Variants in ROBO1 observed in about 807,000 individuals in gnomAD.
ROBO1 encodes roundabout homolog 1.
ROBO1 carries 149 observed loss-of-function variants against 195.9 expected under a neutral mutation model. That is an observed-to-expected ratio of 0.76 (90% confidence interval 0.67 to 0.87). ROBO1 has a LOEUF of 0.87. ROBO1 is among the 40% of genes least tolerant of loss of function. ROBO1 has a pLI of 0.00. For synonymous variants in ROBO1, 816 were observed against 733.2 expected (o/e 1.11, Z -1.82); for missense variants, 1,933 against 2,068.3 (o/e 0.93, Z 1.27).
chr3:79,430,968 T>C (rs1436055856), intron 2 of ROBO1, among the ~76,000 whole-genome samples: 2 of 152,138 alleles, frequency 1.3e-5, no homozygotes, highest in African/African-American at 4.8e-5. Flanking sequence ...TGTAGTAGGA[T>C]GTAAATGGAT....
intron 1 of ROBO1, among the ~76,000 whole-genome samples, chr3:79,626,360 C>T (rs1267493123): frequency 1.3e-5 from 2 of 152,068 alleles, no homozygotes; most frequent in African/African-American, 4.8e-5. Context: ...TCACTTGAAC[C>T]CGGGAGGTGG....
At chr3:79,158,367 T>C (rs2080895197) in intron 2 of ROBO1, among the ~76,000 whole-genome samples, 1 of 151,440 alleles carries the variant, frequency 6.6e-6, no homozygotes, top group Admixed American at 6.6e-5. Flanking sequence ...ATATTTTCTG[T>C]AATGTATGTC....
chr3:79,615,010 C>T lies in ROBO1; in HGVS notation c.-50-25049G>A, dbSNP rs551340806. On this transcript the variant is annotated intron_variant, in intron 1 of 30. Coordinates refer to ENST00000464233, the MANE Select transcript of ROBO1 (RefSeq NM_002941.4). ...ACAGGGCAACCAACTGAATGGACCC[C>T]TCCTGTCTGTCAAGGGAATTCCAAA... is the stretch of plus-strand genomic sequence containing the variant. Among the ~76,000 whole-genome samples the T allele has an allele frequency of 1.6e-4, 25 of 152,210 alleles. No homozygotes were observed. The South Asian group carries it at 5.2e-3, about 32-fold the overall frequency.
intron 1 of ROBO1, among the ~76,000 whole-genome samples, chr3:79,686,947 ATG>A (rs1947134708): frequency 3.3e-5 from 5 of 152,202 alleles, no homozygotes; most frequent in Admixed American, 6.5e-5. Context: ...TGGAGGCATC[ATG>A]CAACCTGACT....
intron 3 of ROBO1, among the ~76,000 whole-genome samples, chr3:79,055,705 G>A (rs971776150): frequency 4.6e-5 from 7 of 152,110 alleles, no homozygotes; most frequent in Admixed American, 2.6e-4. Context: ...TCCTGGACTC[G>A]GTCTCGGTCC....
At chr3:79,176,362 G>A (rs1250870254) in intron 2 of ROBO1, among the ~76,000 whole-genome samples, 2 of 152,160 alleles carry the variant, frequency 1.3e-5, no homozygotes, top group Non-Finnish European at 2.9e-5. Context: ...GAAACAGCTA[G>A]TGTATCATAT....
intron 1 of ROBO1, among the ~76,000 whole-genome samples, chr3:79,766,877 G>C (rs1039133766): frequency 1.3e-5 from 2 of 152,116 alleles, no homozygotes; most frequent in Admixed American, 1.3e-4. Context: ...CCACCAACTG[G>C]AGCGCTTCCT....
chr3:79,718,559 G>A (rs927233533), intron 1 of ROBO1, among the ~76,000 whole-genome samples: 1 of 151,744 alleles, frequency 6.6e-6, no homozygotes, highest in African/African-American at 2.4e-5. Flanking sequence ...ATCATCTGTT[G>A]GCCAAAATGA....
rs1576905119 is a variant in ROBO1 at position 79,272,298 on chromosome 3, T to A, written c.89-146759A>T. 2.6e-5 allele frequency among the ~76,000 whole-genome samples: 4 copies of A among 151,966 alleles called. No individual in the cohort carries two copies. In the East Asian group the frequency reaches 7.7e-4, roughly 29 times the overall value. ...GTATAGTTCTATTATTACTTAAAGA[T>A]TAGGCATAATATGCATATACATATT... On this transcript the variant is annotated intron_variant, in intron 2 of 30. Transcript: ENST00000464233.
At chr3:78,951,515 T>G (rs2040787287) in intron 3 of ROBO1, among the ~76,000 whole-genome samples, 1 of 151,544 alleles carries the variant, frequency 6.6e-6, no homozygotes, top group South Asian at 2.1e-4. Context: ...AAGAGGGGGT[T>G]AAAAAAAACA....
chr3:79,044,051 T>C lies in ROBO1; in HGVS notation c.172+81405A>G, dbSNP rs559301488. ...GGGGCGTCCAATCTTTTGGCTTCCCTGGGCCACATTGGAAGAAGCAGAATT... is the reference window on the plus strand; with the variant it reads ...GGGGCGTCCAATCTTTTGGCTTCCCCGGGCCACATTGGAAGAAGCAGAATT... On this transcript the variant is annotated intron_variant, in intron 3 of 30. Coordinates refer to ENST00000464233, the MANE Select transcript of ROBO1 (RefSeq NM_002941.4). 2.6e-5 allele frequency among the ~76,000 whole-genome samples: 4 copies of C among 151,150 alleles called. No homozygotes were observed. In the South Asian group the frequency reaches 8.3e-4, roughly 32 times the overall value.
chr3:79,198,111 C>T (rs1231490005), intron 2 of ROBO1, among the ~76,000 whole-genome samples: 1 of 151,906 alleles, frequency 6.6e-6, no homozygotes, highest in African/African-American at 2.4e-5. Flanking sequence ...AAGTCTTTGC[C>T]CATGCCTATG....
intron 1 of ROBO1, among the ~76,000 whole-genome samples, chr3:79,725,567 C>T (rs1702888383): frequency 6.6e-6 from 1 of 152,122 alleles, no homozygotes; most frequent in Non-Finnish European, 1.5e-5. Context: ...AGCCAACATG[C>T]AATGAAGACA....
rs138821153 is a variant in ROBO1, at chr3:78,794,344, T to C, written c.500-47444A>G. Among the ~76,000 whole-genome samples, 304 of 152,348 alleles carry C rather than the reference T, an allele frequency of 2.0e-3. 1 individual carries two copies. In the South Asian group the frequency reaches 0.02, roughly 10 times the overall value. On this transcript the variant is annotated intron_variant, in intron 4 of 30. Coordinates refer to ENST00000464233, the MANE Select transcript of ROBO1 (RefSeq NM_002941.4). ...GTAAAATAGAACAGAGCTCAATGCA[T>C]AGTAACACTATATAAATGTTTACTA...
rs117572732 is a variant in ROBO1 at position 78,965,943 on chromosome 3, A to C, written c.173-27016T>G. On this transcript the variant is annotated intron_variant, in intron 3 of 30. Coordinates refer to ENST00000464233, the MANE Select transcript of ROBO1 (RefSeq NM_002941.4). ...GAACTTTATTATTTCATTTTATTTT[A>C]ATCAATTATCTTTAAATGCAACAAG... is the stretch of plus-strand genomic sequence containing the variant. 2.4e-3 allele frequency among the ~76,000 whole-genome samples: 364 copies of C among 152,280 alleles called. 6 individuals carry two copies. The East Asian group carries it at 0.049, about 21-fold the overall frequency.
intron 4 of ROBO1, among the ~76,000 whole-genome samples, chr3:78,824,944 T>C (rs1432551793): frequency 6.6e-6 from 1 of 152,194 alleles, no homozygotes; most frequent in Non-Finnish European, 1.5e-5. Flanking sequence ...AAATAAGTCT[T>C]CCTTCACAAA....
chr3:79,551,967 C>T (rs1386123021), intron 2 of ROBO1, among the ~76,000 whole-genome samples: 1 of 105,936 alleles, frequency 9.4e-6, no homozygotes. Context: ...GTCCTTTGAT[C>T]TCTCTACAGA....
At chr3:79,017,035 G>C (rs1011137171) in intron 3 of ROBO1, among the ~76,000 whole-genome samples, 1 of 152,132 alleles carries the variant, frequency 6.6e-6, no homozygotes, top group Admixed American at 6.5e-5. Flanking sequence ...CAACCTCGAG[G>C]AGTTAGTCTA....
chr3:78,825,009 T>G (rs2031450503), intron 4 of ROBO1, among the ~76,000 whole-genome samples: 1 of 152,218 alleles, frequency 6.6e-6, no homozygotes, highest in African/African-American at 2.4e-5. Context: ...TGTTAAAATT[T>G]CTTTTCTAAA....
Sources: gnomAD v4.1 joint callset for allele counts (sites outside exome capture counted in the v4.1 genomes callset) on GRCh38, gnomAD v4.1.1 for gene constraint, MANE v1.5 for transcripts, NCBI Gene and HGNC (gene_info 2026-07-23, HGNC 2026-07-21) for gene names.